The following SCMH1 variants were observed in gnomAD, a reference collection of about 807,000 sequenced individuals.
SCMH1 encodes polycomb protein SCMH1.
A neutral mutation model predicts 70.8 loss-of-function variants in SCMH1; 37 were observed. The ratio of observed to expected loss-of-function variants is 0.52; its 90% CI spans 0.40 to 0.69. The LOEUF (loss-of-function observed/expected upper bound fraction) is 0.69, where lower values mean the gene tolerates loss of function less well. SCMH1 is among the 30% of genes least tolerant of loss of function. The probability of loss-of-function intolerance (pLI) is 0.00; values close to 1 mark genes in which losing one functional copy is unlikely to be tolerated. For synonymous variants in SCMH1, 292 were observed against 307.4 expected, an observed-to-expected ratio of 0.95 and a Z score of 0.52; for missense variants, 607 against 827.3, an observed-to-expected ratio of 0.73 and a Z score of 3.27.
chr1:41,075,709 T>C (rs1037456138), intron 8 of SCMH1, among the ~76,000 whole-genome samples: 1 of 152,224 alleles, frequency 6.6e-6, no homozygotes, highest in African/African-American at 2.4e-5. Context: ...AGACAAATAT[T>C]GTGACCTAAG....
At chr1:41,208,443 A>AT (rs141172255) in intron 1 of SCMH1, among the ~76,000 whole-genome samples, 233 of 109,444 alleles carry the variant, frequency 2.1e-3, no homozygotes, top group Non-Finnish European at 3.9e-3. Context: ...ATTAAAAAAA[A>AT]AAAATAAAAA....
intron 6 of SCMH1, among the ~76,000 whole-genome samples, chr1:41,125,252 G>T (rs1672896756): frequency 6.6e-6 from 1 of 151,604 alleles, no homozygotes; most frequent in Admixed American, 6.6e-5. Flanking sequence ...GTTTTGCTTT[G>T]TCCCCCAGGC....
In SCMH1 at chr1:41,161,321, G is replaced by A. The variant is rs973918361; in HGVS notation, c.82+43C>T. ...CGAAGGTTTTATGGGAAAAGATGCC[G>A]AGTAAAATTTTTCCACACCAAACGG... On this transcript the variant is annotated intron_variant, in intron 3 of 14. Coordinates refer to ENST00000337495, the Ensembl canonical transcript of SCMH1. 1.5e-5 allele frequency: 23 copies of A among 1,546,498 alleles called. 1 individual carries two copies. Among genetic ancestry groups the A allele is most frequent in the South Asian group, 1.3e-4 (11 of 83,194 alleles).
chr1:41,199,352 G>T (rs2148711928), intron 1 of SCMH1, among the ~76,000 whole-genome samples: 1 of 152,206 alleles, frequency 6.6e-6, no homozygotes, highest in South Asian at 2.1e-4. Context: ...TATCACCGTA[G>T]GTTAGTTTTG....
At chr1:41,160,679 T>C (rs1043377611) in intron 4 of SCMH1, among the ~76,000 whole-genome samples, 196 bp downstream of exon 4, 1 of 152,174 alleles carries the variant, frequency 6.6e-6, no homozygotes, top group Admixed American at 6.5e-5. Context: ...GTCTGTGGCC[T>C]ACTGATAAGC....
At chr1:41,048,598 G>A in intron 11 of SCMH1, 92 bp downstream of exon 11, 2 of 1,127,948 alleles carry the variant, frequency 1.8e-6, no homozygotes, top group Non-Finnish European at 2.6e-6. Context: ...CTGCAGGTAT[G>A]AAGTGGGAAC....
intron 13 of SCMH1, among the ~76,000 whole-genome samples, chr1:41,030,938 CTG>C (rs1036265579): frequency 2.6e-5 from 4 of 152,180 alleles, no homozygotes; most frequent in East Asian, 3.9e-4. Flanking sequence ...TTGCTCACGT[CTG>C]TATCTACAGC....
intron 8 of SCMH1, among the ~76,000 whole-genome samples, chr1:41,076,265 A>C (rs1325003546): frequency 6.6e-6 from 1 of 152,172 alleles, no homozygotes; most frequent in Non-Finnish European, 1.5e-5. Context: ...GACTTCTCTG[A>C]CCATGTCCCA....
chr1:41,155,319 C>T (rs1245592873), intron 4 of SCMH1, among the ~76,000 whole-genome samples: 1 of 152,130 alleles, frequency 6.6e-6, no homozygotes, highest in Non-Finnish European at 1.5e-5. Flanking sequence ...ATTCATTCAG[C>T]AAATATTTAC....
chr1:41,182,038 TGTCCTTTGTAGGG>T (rs1648931992), intron 2 of SCMH1, among the ~76,000 whole-genome samples: 1 of 152,238 alleles, frequency 6.6e-6, no homozygotes, highest in Non-Finnish European at 1.5e-5. Context: ...GATGAGTTCA[TGTCCTTTGTAGGG>T]ACATGGATGA....
intron 8 of SCMH1, among the ~76,000 whole-genome samples, chr1:41,076,139 A>G (rs146554190): frequency 6.6e-6 from 1 of 152,162 alleles, no homozygotes; most frequent in East Asian, 1.9e-4. Flanking sequence ...GTCATTTCCT[A>G]TCATCCAACC....
intron 10 of SCMH1, among the ~76,000 whole-genome samples, chr1:41,054,868 C>T (rs1054485783): frequency 5.3e-5 from 8 of 152,294 alleles, no homozygotes; most frequent in African/African-American, 4.8e-5. Context: ...ACTGCCACCT[C>T]GGCCTCCAGG....
chr1:41,112,600 T>C (rs949015360), intron 8 of SCMH1, among the ~76,000 whole-genome samples: 7 of 152,026 alleles, frequency 4.6e-5, no homozygotes, highest in Non-Finnish European at 1.0e-4. Flanking sequence ...GATATAGTTA[T>C]AATATAGAAT....
intron 8 of SCMH1, among the ~76,000 whole-genome samples, chr1:41,078,851 C>T (rs139595063): frequency 3.9e-5 from 6 of 151,996 alleles, no homozygotes; most frequent in South Asian, 2.1e-4. Flanking sequence ...ATGAAGAACA[C>T]GAGAAAGGGT....
At chr1:41,046,101 G>A (rs1430897704) in intron 12 of SCMH1, among the ~76,000 whole-genome samples, 1 of 152,182 alleles carries the variant, frequency 6.6e-6, no homozygotes, top group Non-Finnish European at 1.5e-5. Flanking sequence ...GACGTTCTGT[G>A]ACTTCTTGGT....
At chr1:41,119,885 T>G (rs1245443225) in intron 6 of SCMH1, among the ~76,000 whole-genome samples, 2 of 152,090 alleles carry the variant, frequency 1.3e-5, no homozygotes, top group Non-Finnish European at 2.9e-5. Flanking sequence ...TTGAGCTGGG[T>G]TTTTAACTGC....
chr1:41,185,233 A>T lies in SCMH1; in HGVS notation c.13+888T>A, dbSNP rs577491183. ...AGCCCTGTGCTAGGTAATAAGGATT[A>T]AAAAAAACAACAAGGCACCCTCTCT... is the stretch of plus-strand genomic sequence containing the variant. On this transcript the variant is annotated intron_variant, in intron 2 of 14. Coordinates refer to ENST00000337495, the Ensembl canonical transcript of SCMH1. 1.2e-4 allele frequency among the ~76,000 whole-genome samples: 19 copies of T among 152,102 alleles called. No individual in the cohort carries two copies. In the East Asian group the frequency reaches 3.5e-3, roughly 28 times the overall value.
rs371365390 is a variant in SCMH1, at chr1:41,119,088, C to G, written c.413-2078G>C. Among the ~76,000 whole-genome samples the G allele has an allele frequency of 5.3e-5, 8 of 152,190 alleles. No individual in the cohort carries two copies. The East Asian group carries it at 1.2e-3, about 22-fold the overall frequency. On this transcript the variant is annotated intron_variant, in intron 6 of 14. Coordinates refer to ENST00000337495, the Ensembl canonical transcript of SCMH1. Reference sequence around the variant, plus strand: ...ATTTCAAAGTGAGCAAACGAAAAGACAGGATTAAAATTCAGGCAATCTGAC... The same window carrying G: ...ATTTCAAAGTGAGCAAACGAAAAGAGAGGATTAAAATTCAGGCAATCTGAC...
chr1:41,178,448 T>C (rs1333103339), intron 2 of SCMH1, among the ~76,000 whole-genome samples: 1 of 152,158 alleles, frequency 6.6e-6, no homozygotes, highest in Non-Finnish European at 1.5e-5. Context: ...ACTGGCAAAT[T>C]GGATAGTCAA....
Sources: gnomAD v4.1 joint callset for allele counts (sites outside exome capture counted in the v4.1 genomes callset) on GRCh38, gnomAD v4.1.1 for gene constraint, MANE v1.5 for transcripts, NCBI Gene and HGNC (gene_info 2026-07-23, HGNC 2026-07-21) for gene names.